The following C21orf58 variants were observed in gnomAD, a reference collection of about 807,000 sequenced individuals.
C21orf58 encodes the protein chromosome 21 open reading frame 58.
Under a neutral mutation model 35.8 loss-of-function variants are expected in C21orf58, and 34 were observed. That is an observed-to-expected ratio of 0.95 (90% CI 0.72 to 1.26). The LOEUF is 1.26. C21orf58 is among the 50% of genes most tolerant of loss of function. The pLI is 0.00. For synonymous variants in C21orf58, 191 were observed against 175.8 expected (o/e 1.09, Z -0.68); for missense variants, 440 against 414.3 (o/e 1.06, Z -0.54).
chr21:46,310,510 C>A (rs73146722), intron 6 of C21orf58, among the ~76,000 whole-genome samples: 24,409 of 146,630 alleles, frequency 0.17, 3,057 homozygotes, highest in African/African-American at 0.36. Flanking sequence ...AAAAAAAAAA[C>A]AAAACTTGTC....
At chr21:46,309,652 G>C (rs545402272) in intron 6 of C21orf58, among the ~76,000 whole-genome samples, 1 of 152,108 alleles carries the variant, frequency 6.6e-6, no homozygotes, top group East Asian at 1.9e-4. Flanking sequence ...CATGCTGAGA[G>C]AAGCCATACA....
Position 46,322,763 on chromosome 21 carries a change from C to A in C21orf58, c.-25G>T. 4 of 1,415,230 alleles carry A rather than the reference C, an allele frequency of 2.8e-6. No individual in the cohort carries two copies. Among genetic ancestry groups the A allele is most frequent in the East Asian group, 2.7e-5 (1 of 36,898 alleles). The allele number at this position is 1,415,230 out of a possible 1,614,324, so 87.7% of individuals were successfully genotyped here. On this transcript the variant is annotated 5_prime_UTR_variant, in exon 1 of 8. Transcript: ENST00000291691. ...TTGCGCTATAGCCTGGGCGTCGCAG[C>A]GAGACTGTCTCAAAAAAAGAAAAAA...
chr21:46,302,402 T>C (rs2145886972), intron 7 of C21orf58, 83 bp downstream of exon 7: 3 of 1,197,264 alleles, frequency 2.5e-6, no homozygotes, highest in South Asian at 1.3e-5. Context: ...CTTTCAGAGC[T>C]ACACAGATGC....
intron 6 of C21orf58, among the ~76,000 whole-genome samples, chr21:46,308,591 G>A (rs2082531250): frequency 1.3e-5 from 2 of 152,146 alleles, no homozygotes; most frequent in Admixed American, 6.6e-5. Context: ...GGCCATAAGC[G>A]AAAACAAGAA....
chr21:46,302,696 C>G (rs1556338), intron 6 of C21orf58, 120 bp from the exon 7 acceptor site: 37,383 of 774,356 alleles, frequency 0.048, 1,543 homozygotes, highest in Non-Finnish European at 0.06. Context: ...GTCCCCGGGG[C>G]AGGCTCTGAG....
intron 1 of C21orf58, among the ~76,000 whole-genome samples, chr21:46,320,056 A>G (rs2083103613): frequency 6.6e-6 from 1 of 152,152 alleles, no homozygotes; most frequent in Non-Finnish European, 1.5e-5. Context: ...GCAACTGTAT[A>G]GAGCACCCTT....
In C21orf58 at chr21:46,301,763, C is replaced by A. The variant is rs528925294; in HGVS notation, c.*236G>T. 4 of 1,227,470 alleles carry A rather than the reference C, an allele frequency of 3.3e-6. No individual in the cohort carries two copies. Among genetic ancestry groups the A allele is most frequent in the Admixed American group, 4.3e-5 (1 of 23,482 alleles). 76.0% of individuals were successfully genotyped at this position (1,227,470 alleles called of 1,614,324 possible). Reference sequence around the variant, plus strand: ...GAGGGGCTGTTGCCCTGGTGGGGTTCACAGGCCCCTCACTGCAGGGGACCC... The same window carrying A: ...GAGGGGCTGTTGCCCTGGTGGGGTTAACAGGCCCCTCACTGCAGGGGACCC... On this transcript the variant is annotated 3_prime_UTR_variant, in exon 8 of 8. Coordinates refer to ENST00000291691, the MANE Select transcript of C21orf58 (RefSeq NM_058180.5).
intron 3 of C21orf58, among the ~76,000 whole-genome samples, chr21:46,316,915 T>C (rs948706355): frequency 1.3e-5 from 2 of 152,208 alleles, no homozygotes; most frequent in Non-Finnish European, 2.9e-5. Flanking sequence ...CTGGGTCTGA[T>C]CTGGGTGCGA....
chr21:46,323,003 C>T lies in C21orf58; in HGVS notation c.-265G>A. On this transcript the variant is annotated 5_prime_UTR_variant, in exon 1 of 8. Transcript: ENST00000291691. The stretch of plus-strand genomic sequence containing the variant: ...GGAGGACTACAAAGAAACCCAGAAA[C>T]CAGACTTGGACACATGAAATAAAGG... 1 of 326,118 alleles carries T rather than the reference C, an allele frequency of 3.1e-6. No homozygotes were observed. Among genetic ancestry groups the T allele is most frequent in the Non-Finnish European group, 5.6e-6 (1 of 179,404 alleles). The allele number at this position is 326,118 out of a possible 1,614,324, so 20.2% of individuals were successfully genotyped here.
intron 3 of C21orf58, among the ~76,000 whole-genome samples, chr21:46,316,106 G>A (rs1046108925): frequency 6.6e-6 from 1 of 151,988 alleles, no homozygotes; most frequent in Non-Finnish European, 1.5e-5. Flanking sequence ...TTGTGATCAG[G>A]CCACTGCACT....
intron 2 of C21orf58, among the ~76,000 whole-genome samples, chr21:46,317,716 C>T (rs2083024097): frequency 6.6e-6 from 1 of 152,206 alleles, no homozygotes; most frequent in South Asian, 2.1e-4. Context: ...GCAGCAGGTC[C>T]CTCAGGCAGC....
At chr21:46,319,281 ACT>A (rs1480155497) in intron 1 of C21orf58, 1 of 152,278 alleles carries the variant, frequency 6.6e-6, no homozygotes, top group East Asian at 1.9e-4. Flanking sequence ...GTAGAGTTCA[ACT>A]CACCTTACCC....
rs1267352470 is a variant in C21orf58, at chr21:46,323,115, T to TA, written c.-378dup. The TA allele has an allele frequency of 1.9e-5, 3 of 157,194 alleles. No individual in the cohort carries two copies. The highest frequency in any genetic ancestry group is 4.2e-5 in the Non-Finnish European group (3 of 71,388). 9.7% of individuals were successfully genotyped at this position (157,194 alleles called of 1,614,324 possible). A position where few individuals can be genotyped will look rare whatever the true frequency, so the allele number is the denominator to read the frequency against. ...TGGTTTTTTGCCACTTCGCTCCAGT[T>TA]AGTTTCCCAAGTTCCACCTACGCGC... On this transcript the variant is annotated 5_prime_UTR_variant, in exon 1 of 8. The change creates a premature stop within an existing upstream ORF in the 5' untranslated region. Coordinates refer to ENST00000291691, the MANE Select transcript of C21orf58 (RefSeq NM_058180.5).
Position 46,319,822 on chromosome 21 carries a change from G to A in C21orf58, c.101-1602C>T, listed in dbSNP as rs573866485. ...TGAGGCAGGAGAATTGCTTGAAATCGGAAGGCAGAGTTTGCAGTGACCCAA... is the reference window on the plus strand; with the variant it reads ...TGAGGCAGGAGAATTGCTTGAAATCAGAAGGCAGAGTTTGCAGTGACCCAA... On this transcript the variant is annotated intron_variant, in intron 1 of 7. Coordinates refer to ENST00000291691, the MANE Select transcript of C21orf58 (RefSeq NM_058180.5). 2.8e-3 allele frequency among the ~76,000 whole-genome samples: 429 copies of A among 152,054 alleles called. 4 individuals carry two copies. Among genetic ancestry groups the A allele is most frequent in the South Asian group, 5.8e-3 (28 of 4,812 alleles).
Position 46,301,151 on chromosome 21 carries a change from T to C in C21orf58, c.*848A>G. 5.0e-6 allele frequency: 4 copies of C among 803,880 alleles called. No individual in the cohort carries two copies. The highest frequency in any genetic ancestry group is 5.5e-6 in the Non-Finnish European group (4 of 732,772). 49.8% of individuals were successfully genotyped at this position (803,880 alleles called of 1,614,324 possible). A position where few individuals can be genotyped will look rare whatever the true frequency, so the allele number is the denominator to read the frequency against. On this transcript the variant is annotated 3_prime_UTR_variant, in exon 8 of 8. Coordinates refer to ENST00000291691, the MANE Select transcript of C21orf58 (RefSeq NM_058180.5). ...CAGCTTGCTTCTTTCACTTTTTTATTTTATTTTTGAGACAGGGGCCTGCTC... is the reference window on the plus strand; with the variant it reads ...CAGCTTGCTTCTTTCACTTTTTTATCTTATTTTTGAGACAGGGGCCTGCTC...
Position 46,317,420 on chromosome 21 carries a change from C to G in C21orf58, c.310-152G>C, listed in dbSNP as rs2083014555. On this transcript the variant is annotated intron_variant, in intron 2 of 7. Coordinates refer to ENST00000291691, the MANE Select transcript of C21orf58 (RefSeq NM_058180.5). ...GCCAACAGGCGGGAGTCAAGCCCCTCCGAGGATCTCCCTGAGCTGCCTCTG... is the reference window on the plus strand; with the variant it reads ...GCCAACAGGCGGGAGTCAAGCCCCTGCGAGGATCTCCCTGAGCTGCCTCTG... 3 of 1,341,586 alleles carry G rather than the reference C, an allele frequency of 2.2e-6. No homozygotes were observed. The South Asian group carries it at 4.0e-5, about 18-fold the overall frequency. 83.1% of individuals were successfully genotyped at this position (1,341,586 alleles called of 1,614,324 possible).
At chr21:46,319,496 C>T (rs2083085748) in intron 1 of C21orf58, among the ~76,000 whole-genome samples, 1 of 152,232 alleles carries the variant, frequency 6.6e-6, no homozygotes, top group African/African-American at 2.4e-5. Context: ...TGGGCGTTGG[C>T]TCACGCCTGT....
chr21:46,311,486 G>C lies in C21orf58; in HGVS notation c.691C>G (p.Pro231Ala), dbSNP rs2082683456. ...TTAATACTTCCTGACCGTTGAGTAGGGAAGGCCTGGGGAGGAGGAATCTGT... is the reference window on the plus strand; with the variant it reads ...TTAATACTTCCTGACCGTTGAGTAGCGAAGGCCTGGGGAGGAGGAATCTGT... ...IAQIPPPQAF[P>A]TQRSGSIKED... The change falls in exon 6 of 8, where the codon CCT becomes GCT. Residue 231 changes from proline (P) to alanine (A), a missense_variant. Coordinates refer to ENST00000291691, the MANE Select transcript of C21orf58 (RefSeq NM_058180.5). 1 of 1,609,426 alleles carries C rather than the reference G, an allele frequency of 6.2e-7. No homozygotes were observed. Among genetic ancestry groups the C allele is most frequent in the South Asian group, 1.1e-5 (1 of 90,068 alleles).
chr21:46,317,056 A>C, intron 3 of C21orf58, 152 bp downstream of exon 3: 1 of 653,486 alleles, frequency 1.5e-6, no homozygotes, highest in South Asian at 1.9e-5. Flanking sequence ...CTCTGAATGT[A>C]AAGGAAAAGC....
Sources: gnomAD v4.1 joint callset for allele counts (sites outside exome capture counted in the v4.1 genomes callset) on GRCh38, gnomAD v4.1.1 for gene constraint, MANE v1.5 for transcripts, NCBI Gene and HGNC (gene_info 2026-07-23, HGNC 2026-07-21) for gene names.